PTPRR: variants seen among roughly 807,000 people sequenced by gnomAD.
PTPRR encodes the protein protein tyrosine phosphatase receptor type R, also known as receptor-type tyrosine-protein phosphatase R.
In PTPRR, 38 loss-of-function variants were observed where a neutral mutation model predicts 77.2. The ratio of observed to expected loss-of-function variants is 0.49; its 90% CI spans 0.38 to 0.65. PTPRR has a LOEUF of 0.65. Ranked by LOEUF, PTPRR falls within the 30% of genes least tolerant of loss-of-function variation. The pLI is 0.00. For synonymous variants in PTPRR, 299 were observed against 283.1 expected, an observed-to-expected ratio of 1.06 and a Z score of -0.57; for missense variants, 744 against 799.2, an observed-to-expected ratio of 0.93 and a Z score of 0.83.
rs780293983 is a variant in PTPRR at position 70,754,249 on chromosome 12, C to T, written c.680G>A (p.Gly227Glu). 3.7e-6 allele frequency: 6 copies of T among 1,613,606 alleles called. No individual in the cohort carries two copies. The highest frequency in any genetic ancestry group is 1.1e-5 in the South Asian group (1 of 91,068). Residue 227 changes from glycine (G) to glutamate (E), a missense_variant, in exon 5 of 14, where the codon GGA becomes GAA. Physicochemically the swap from Gly to Glu is moderately conservative, Grantham distance 98. Transcript: ENST00000283228. ...HEADKIWSKE[G>E]FYAVVIFLSI... ...GAGAAAAATGACAACAGCATAAAAT[C>T]CTTCTTTGCTCCAGATTTTGTCCGC...
intron 7 of PTPRR, 65 bp from the exon 8 acceptor site, chr12:70,698,414 G>T: frequency 7.2e-7 from 1 of 1,394,872 alleles, no homozygotes. Context: ...CTTCACAGGG[G>T]GGCATCTGAT....
At chr12:70,896,597 A>G (rs1441862446) in intron 1 of PTPRR, among the ~76,000 whole-genome samples, 2 of 151,844 alleles carry the variant, frequency 1.3e-5, no homozygotes, top group Non-Finnish European at 2.9e-5. Flanking sequence ...AAATTTGGAA[A>G]TTAAAAAAAC....
intron 10 of PTPRR, among the ~76,000 whole-genome samples, chr12:70,666,341 T>C (rs1345945052): frequency 1.3e-5 from 2 of 152,308 alleles, no homozygotes; most frequent in Middle Eastern, 3.4e-3. Flanking sequence ...TTGAGGCACA[T>C]GCAACCTTGC....
chr12:70,761,547 T>C lies in PTPRR; in HGVS notation c.551A>G (p.Glu184Gly). 6.2e-7 allele frequency: 1 copy of C among 1,612,532 alleles called. No individual in the cohort carries two copies. The highest frequency in any genetic ancestry group is 8.5e-7 in the Non-Finnish European group (1 of 1,179,082). The stretch of plus-strand genomic sequence containing the variant: ...ATTGATATTAAGTGAACGAAGAACT[T>C]CCTCAGAGGGCAGAGCATCAGAAAT... The part of the protein sequence containing the change: ...TGISDALPSE[E>G]VLRSLNINVL... Residue 184 changes from glutamate (E) to glycine (G), a missense_variant, in exon 4 of 14, where the codon GAA (glutamate) becomes GGA (glycine). By Grantham distance (98) the Glu-to-Gly change is moderately conservative (BLOSUM62 -2). Transcript: ENST00000283228.
chr12:70,660,116 G>A (rs1409839472), intron 12 of PTPRR, among the ~76,000 whole-genome samples: 1 of 151,776 alleles, frequency 6.6e-6, no homozygotes, highest in African/African-American at 2.4e-5. Context: ...GGCGGAGGTT[G>A]CAGTGAGCCG....
intron 8 of PTPRR, 110 bp from the exon 9 acceptor site, chr12:70,684,893 G>C: frequency 1.5e-6 from 1 of 671,860 alleles, no homozygotes; most frequent in South Asian, 2.2e-5. Flanking sequence ...ATTATCTGGT[G>C]CATGTCAATG....
chr12:70,664,628 T>C (rs1288183493), intron 10 of PTPRR: 2 of 152,136 alleles, frequency 1.3e-5, no homozygotes, highest in African/African-American at 2.4e-5. Context: ...CTCTTAATAC[T>C]TGCACAGGCT....
chr12:70,810,744 G>A (rs1891793960), intron 2 of PTPRR, among the ~76,000 whole-genome samples: 1 of 152,126 alleles, frequency 6.6e-6, no homozygotes, highest in Non-Finnish European at 1.5e-5. Flanking sequence ...AATGACAATG[G>A]CAATCTCAGT....
At chr12:70,831,919 C>G (rs562915603) in intron 2 of PTPRR, among the ~76,000 whole-genome samples, 1 of 152,284 alleles carries the variant, frequency 6.6e-6, no homozygotes, top group African/African-American at 2.4e-5. Flanking sequence ...AAGCCTGGAG[C>G]TCCAATTTTT....
intron 6 of PTPRR, among the ~76,000 whole-genome samples, chr12:70,736,939 A>T (rs1889882210): frequency 6.6e-6 from 1 of 152,182 alleles, no homozygotes. Context: ...AAGTACAGTA[A>T]TGCTGTTGGT....
chr12:70,829,899 G>C (rs1183639581), intron 2 of PTPRR, among the ~76,000 whole-genome samples: 2 of 152,116 alleles, frequency 1.3e-5, no homozygotes, highest in African/African-American at 4.8e-5. Context: ...AGAACAATTT[G>C]GGATACATTG....
At chr12:70,845,046 G>A (rs1227379056) in intron 2 of PTPRR, among the ~76,000 whole-genome samples, 1 of 152,188 alleles carries the variant, frequency 6.6e-6, no homozygotes, top group African/African-American at 2.4e-5. Context: ...GTTTCCAAAA[G>A]GAGACTGGCT....
intron 2 of PTPRR, among the ~76,000 whole-genome samples, chr12:70,776,997 T>A (rs1047893851): frequency 6.6e-6 from 1 of 152,126 alleles, no homozygotes; most frequent in Admixed American, 6.5e-5. Flanking sequence ...GCTAACCATA[T>A]CTTGTGTATA....
intron 10 of PTPRR, among the ~76,000 whole-genome samples, chr12:70,670,893 A>G (rs1039577355): frequency 2.0e-5 from 3 of 152,024 alleles, no homozygotes. Flanking sequence ...TTGCAACTTA[A>G]CTGTTTTTTC....
intron 2 of PTPRR, among the ~76,000 whole-genome samples, chr12:70,777,150 A>T (rs1592751353): frequency 6.6e-6 from 1 of 152,100 alleles, no homozygotes; most frequent in East Asian, 1.9e-4. Flanking sequence ...TCTGAGATAG[A>T]GTTCTATATT....
intron 1 of PTPRR, among the ~76,000 whole-genome samples, chr12:70,915,483 G>GT (rs1893761782): frequency 6.6e-6 from 1 of 152,188 alleles, no homozygotes; most frequent in Non-Finnish European, 1.5e-5. Flanking sequence ...AAGCAAATCA[G>GT]TTTTTTCTAG....
At chr12:70,857,820 A>G (rs970876634) in intron 2 of PTPRR, among the ~76,000 whole-genome samples, 2 of 152,140 alleles carry the variant, frequency 1.3e-5, no homozygotes, top group Non-Finnish European at 2.9e-5. Flanking sequence ...ACATAACTCA[A>G]TTATATTGTT....
chr12:70,909,463 G>T (rs867395538), intron 1 of PTPRR, among the ~76,000 whole-genome samples: 1 of 152,088 alleles, frequency 6.6e-6, no homozygotes, highest in African/African-American at 2.4e-5. Context: ...TTTCATGCTG[G>T]CACTCCTTTC....
intron 2 of PTPRR, among the ~76,000 whole-genome samples, chr12:70,789,714 C>A (rs1891390578): frequency 6.6e-6 from 1 of 152,030 alleles, no homozygotes; most frequent in Non-Finnish European, 1.5e-5. Flanking sequence ...GTAGTTGAAA[C>A]ACTAGGAATT....
Sources: allele counts gnomAD v4.1 joint callset (sites outside exome capture counted in the v4.1 genomes callset), GRCh38; gene constraint gnomAD v4.1.1; transcripts MANE v1.5; gene names NCBI Gene and HGNC (gene_info 2026-07-23, HGNC 2026-07-21).